The following KAT6B variants were observed in gnomAD, a reference collection of about 807,000 sequenced individuals.
KAT6B encodes histone acetyltransferase KAT6B.
A neutral mutation model predicts 187.5 loss-of-function variants in KAT6B; 10 were observed. That is an observed-to-expected ratio of 0.05 (90% CI 0.03 to 0.09). The LOEUF is 0.09. Ranked by LOEUF, KAT6B falls within the 10% of genes least tolerant of loss-of-function variation. The probability of loss-of-function intolerance (pLI) is 1.00; values close to 1 mark genes in which losing one functional copy is unlikely to be tolerated. For synonymous variants in KAT6B, 861 were observed against 926.8 expected (o/e 0.93, Z 1.29); for missense variants, 1,952 against 2,558.9 (o/e 0.76, Z 5.12).
chr10:74,905,175 A>C (rs1280106786), intron 3 of KAT6B, among the ~76,000 whole-genome samples: 1 of 152,232 alleles, frequency 6.6e-6, no homozygotes, highest in Non-Finnish European at 1.5e-5. Flanking sequence ...ACAAAAAAAC[A>C]CAGATGTCCT....
intron 3 of KAT6B, among the ~76,000 whole-genome samples, chr10:74,851,478 G>A (rs188671741): frequency 5.3e-5 from 8 of 151,876 alleles, no homozygotes; most frequent in East Asian, 1.9e-4. Flanking sequence ...GACTACAGAC[G>A]TGCACCACCA....
At chr10:74,867,718 A>G (rs1251948754) in intron 3 of KAT6B, among the ~76,000 whole-genome samples, 1 of 152,180 alleles carries the variant, frequency 6.6e-6, no homozygotes, top group Non-Finnish European at 1.5e-5. Context: ...TTATTGAATT[A>G]AGGTAACCTT....
At chr10:74,947,319 A>T (rs1198081277) in intron 3 of KAT6B, among the ~76,000 whole-genome samples, 4 of 152,212 alleles carry the variant, frequency 2.6e-5, no homozygotes, top group Non-Finnish European at 4.4e-5. Flanking sequence ...CAAACTAAAA[A>T]CAACAACTGT....
chr10:74,889,557 A>G (rs890382445), intron 3 of KAT6B, among the ~76,000 whole-genome samples: 6 of 152,326 alleles, frequency 3.9e-5, no homozygotes, highest in Non-Finnish European at 7.3e-5. Context: ...TCTCCCCACA[A>G]GGTGGTGCCA....
chr10:74,989,168 G>A (rs954433634), intron 13 of KAT6B, 56 bp downstream of exon 13: 43 of 1,196,780 alleles, frequency 3.6e-5, no homozygotes, highest in Non-Finnish European at 5.0e-5. Flanking sequence ...GCCGTTACAG[G>A]AAACAGTAAA....
At chr10:74,844,826 GTT>G (rs1841984725) in intron 3 of KAT6B, among the ~76,000 whole-genome samples, 1 of 152,184 alleles carries the variant, frequency 6.6e-6, no homozygotes, top group Non-Finnish European at 1.5e-5. Flanking sequence ...TTCATGTCTA[GTT>G]TTGGGGTTTA....
In KAT6B at chr10:74,925,171, G is replaced by T. The variant is rs572696514; in HGVS notation, c.622-34799G>T. On this transcript the variant is annotated intron_variant, in intron 3 of 17. Coordinates refer to ENST00000287239, the MANE Select transcript of KAT6B (RefSeq NM_012330.4). ...TCTCCCTACCTCAGCCTCCCAATTA[G>T]CTGGGATTACAGGTGCTCTTCACCA... 4.6e-5 allele frequency among the ~76,000 whole-genome samples: 7 copies of T among 152,186 alleles called. No individual in the cohort carries two copies. In the East Asian group the frequency reaches 1.4e-3, roughly 29 times the overall value.
chr10:74,971,574 GTATA>G, intron 6 of KAT6B, among the ~76,000 whole-genome samples: 1 of 152,090 alleles, frequency 6.6e-6, no homozygotes, highest in South Asian at 2.1e-4. Flanking sequence ...TTGGCTGTTT[GTATA>G]TCATCTTTTC....
chr10:75,007,202 C>G (rs57982505), intron 13 of KAT6B, among the ~76,000 whole-genome samples: 18,756 of 152,138 alleles, frequency 0.12, 2,258 homozygotes, highest in African/African-American at 0.31. Flanking sequence ...CAGAAATTAT[C>G]TATCTTCTGA....
chr10:74,864,430 G>A (rs1456025168), intron 3 of KAT6B, among the ~76,000 whole-genome samples: 17 of 152,070 alleles, frequency 1.1e-4, no homozygotes, highest in African/African-American at 4.1e-4. Context: ...TAGTAGAGAC[G>A]GGGTTTCACC....
intron 1 of KAT6B, among the ~76,000 whole-genome samples, chr10:74,828,654 G>A (rs945303948): frequency 7.3e-6 from 1 of 137,606 alleles, no homozygotes; most frequent in Non-Finnish European, 1.5e-5. Context: ...TGCAAGCTCC[G>A]CCTCCCGGGT....
At chr10:74,917,822 G>T (rs1194717394) in intron 3 of KAT6B, among the ~76,000 whole-genome samples, 1 of 152,198 alleles carries the variant, frequency 6.6e-6, no homozygotes, top group Non-Finnish European at 1.5e-5. Context: ...ACAGGCAGGG[G>T]CATTTGGCAT....
At chr10:74,832,170 T>G (rs1268592548) in intron 1 of KAT6B, among the ~76,000 whole-genome samples, 1 of 152,236 alleles carries the variant, frequency 6.6e-6, no homozygotes, top group Admixed American at 6.5e-5. Context: ...GTACATGTGC[T>G]TATTTTTTAG....
intron 1 of KAT6B, among the ~76,000 whole-genome samples, chr10:74,829,254 T>TA (rs1840545492): frequency 6.6e-6 from 1 of 152,156 alleles, no homozygotes; most frequent in Non-Finnish European, 1.5e-5. Flanking sequence ...GAATGAAAGG[T>TA]AAATAGCATG....
chr10:74,873,280 G>A (rs1189773711), intron 3 of KAT6B, among the ~76,000 whole-genome samples: 3 of 149,406 alleles, frequency 2.0e-5, no homozygotes, highest in South Asian at 2.1e-4. Context: ...GGGCAACATA[G>A]AGAGATCCCA....
At chr10:74,977,551 C>A in intron 9 of KAT6B, 114 bp downstream of exon 9, 2 of 1,324,116 alleles carry the variant, frequency 1.5e-6, no homozygotes, top group Non-Finnish European at 2.2e-6. Context: ...CTTTGTGATT[C>A]TTTAGCCGTT....
intron 12 of KAT6B, among the ~76,000 whole-genome samples, chr10:74,986,321 TAA>T (rs1842806296): frequency 6.6e-6 from 1 of 152,226 alleles, no homozygotes; most frequent in East Asian, 1.9e-4. Context: ...GGATGGTACA[TAA>T]ATAGAGACAA....
intron 2 of KAT6B, among the ~76,000 whole-genome samples, chr10:74,839,231 ATT>A (rs55994102): frequency 0.013 from 1,796 of 138,192 alleles, 21 homozygotes; most frequent in African/African-American, 0.036. Flanking sequence ...TATGAAACAC[ATT>A]TTTTTTTTTT....
intron 13 of KAT6B, among the ~76,000 whole-genome samples, chr10:75,009,421 A>C (rs1369560400): frequency 6.6e-6 from 1 of 152,248 alleles, no homozygotes; most frequent in Non-Finnish European, 1.5e-5. Flanking sequence ...TTGCAGGTGG[A>C]ATGGAGATTC....
Sources: gnomAD v4.1 joint callset for allele counts (sites outside exome capture counted in the v4.1 genomes callset) on GRCh38, gnomAD v4.1.1 for gene constraint, MANE v1.5 for transcripts, NCBI Gene and HGNC (gene_info 2026-07-23, HGNC 2026-07-21) for gene names.